The following WNK1 variants were observed in gnomAD, a reference collection of about 807,000 sequenced individuals.
WNK1 encodes serine/threonine-protein kinase WNK1.
A neutral mutation model predicts 222.8 loss-of-function variants in WNK1; 38 were observed. The observed-to-expected ratio is 0.17, with a 90% CI of 0.13 to 0.22. WNK1 has a LOEUF of 0.22. Among genes scored for constraint, WNK1 ranks in the 10% least tolerant of loss-of-function variants. WNK1 has a pLI of 1.00. For synonymous variants in WNK1, 1,090 were observed against 1,092.9 expected (o/e 1.00, Z 0.05); for missense variants, 2,348 against 2,918.4 (o/e 0.80, Z 4.50).
At chr12:769,683 G>A (rs1942235203) in intron 1 of WNK1, among the ~76,000 whole-genome samples, 1 of 152,186 alleles carries the variant, frequency 6.6e-6, no homozygotes, top group South Asian at 2.1e-4. Context: ...GGTGCCAGGT[G>A]TGCTCGGCTA....
intron 23 of WNK1, 48 bp downstream of exon 23, chr12:894,683 T>C: frequency 6.5e-7 from 1 of 1,545,168 alleles, no homozygotes; most frequent in South Asian, 1.1e-5. Flanking sequence ...TTGGAGGAGT[T>C]GTCTATATAA....
At chr12:887,172 C>T (rs1565587844) in intron 19 of WNK1, 49 bp from the exon 20 acceptor site, 30 of 1,535,258 alleles carry the variant, frequency 2.0e-5, no homozygotes, top group Non-Finnish European at 2.4e-5. Context: ...AGTACGCAGT[C>T]TTTATATTTA....
intron 1 of WNK1, among the ~76,000 whole-genome samples, chr12:797,112 A>G (rs932293537): frequency 6.6e-6 from 1 of 152,180 alleles, no homozygotes; most frequent in African/African-American, 2.4e-5. Context: ...TTCTTTTTGC[A>G]TTCCTATTAA....
intron 1 of WNK1, among the ~76,000 whole-genome samples, chr12:758,479 C>T (rs1285483909): frequency 7.5e-6 from 1 of 133,482 alleles, no homozygotes; most frequent in Non-Finnish European, 1.6e-5. Context: ...GCTCCACTTC[C>T]TGGGTTCACG....
chr12:790,702 G>A (rs1359774892), intron 1 of WNK1, among the ~76,000 whole-genome samples: 2 of 152,158 alleles, frequency 1.3e-5, no homozygotes, highest in African/African-American at 4.8e-5. Flanking sequence ...GTTTTAAAAA[G>A]ACAATCTTTT....
In WNK1 at chr12:865,152, C is replaced by G. The variant is rs72649813; in HGVS notation, c.2139+2882C>G. The G allele has an allele frequency of 2.0e-6, 3 of 1,532,950 alleles. 1 individual carries two copies. The highest frequency in any genetic ancestry group is 3.3e-4 in the Middle Eastern group (2 of 5,982). The allele number at this position is 1,532,950 out of a possible 1,614,324, so 95.0% of individuals were successfully genotyped here. A position where few individuals can be genotyped will look rare whatever the true frequency, so the allele number is the denominator to read the frequency against. ...CATGTCGGTTTGTGTTCCCATCTTT[C>G]TGCTGTTGCCTCTGTGTCCCGCATC... is the stretch of plus-strand genomic sequence containing the variant. On this transcript the variant is annotated intron_variant, in intron 8 of 27. Coordinates refer to ENST00000315939, the MANE Select transcript of WNK1 (RefSeq NM_018979.4).
At position 880,052 on chromosome 12, in the gene WNK1, A is replaced by G. The variant is rs751586392; in HGVS notation, c.2832+21A>G. On this transcript the variant is annotated intron_variant, in intron 11 of 27. Coordinates refer to ENST00000315939, the MANE Select transcript of WNK1 (RefSeq NM_018979.4). ...ACCAGGTATTGTGTTAGTTAGCAAA[A>G]GAGGGCACCACAGAGTTTGATCCTA... The G allele has an allele frequency of 3.7e-6, 6 of 1,609,216 alleles. No individual in the cohort carries two copies. In the Admixed American group the frequency reaches 1.0e-4, roughly 27 times the overall value.
At chr12:867,655 C>T (rs1451748975) in intron 8 of WNK1, 14 of 576,118 alleles carry the variant, frequency 2.4e-5, no homozygotes, top group South Asian at 2.0e-4. Flanking sequence ...TTATCTAAAG[C>T]AAAGAGCCCA....
At chr12:891,962 A>G (rs1414268337) in intron 22 of WNK1, among the ~76,000 whole-genome samples, 1 of 151,592 alleles carries the variant, frequency 6.6e-6, no homozygotes, top group African/African-American at 2.4e-5. Context: ...AAAAATGTAT[A>G]GGTCAATGGA....
At chr12:785,920 A>G (rs1944261580) in intron 1 of WNK1, among the ~76,000 whole-genome samples, 1 of 152,108 alleles carries the variant, frequency 6.6e-6, no homozygotes, top group Non-Finnish European at 1.5e-5. Flanking sequence ...ATCTGACTGT[A>G]CTGTTCTGGC....
chr12:857,738 T>C (rs1311135929), intron 5 of WNK1, among the ~76,000 whole-genome samples: 1 of 152,128 alleles, frequency 6.6e-6, no homozygotes, highest in Non-Finnish European at 1.5e-5. Flanking sequence ...GCCCAGGGGT[T>C]GGAAGGAGAT....
At chr12:834,473 G>A (rs1949032358) in intron 4 of WNK1, among the ~76,000 whole-genome samples, 2 of 152,130 alleles carry the variant, frequency 1.3e-5, no homozygotes, top group South Asian at 2.1e-4. Context: ...TGGTGGATAG[G>A]GTAGAGTAAT....
In WNK1 at chr12:813,668, G is replaced by A. The variant is rs199740840; in HGVS notation, c.786G>A (p.Arg262=). The A allele has an allele frequency of 1.2e-5, 19 of 1,613,728 alleles. No homozygotes were observed. Among genetic ancestry groups the A allele is most frequent in the Non-Finnish European group, 1.5e-5 (18 of 1,179,902 alleles). The change falls in exon 2 of 28, where the codon AGG becomes AGA. Residue 262 remains arginine (R), a synonymous_variant. Transcript: ENST00000315939. The part of the protein sequence containing the change: ...LQDRKLTKSE[R]QRFKEEAEML... ...ATCGAAAATTAACAAAGTCTGAGAGGCAGAGATTTAAAGAAGAAGCTGAAA... is the reference window on the plus strand; with the variant it reads ...ATCGAAAATTAACAAAGTCTGAGAGACAGAGATTTAAAGAAGAAGCTGAAA...
chr12:884,587 C>T lies in WNK1; in HGVS notation c.3845-62C>T. 6.5e-7 allele frequency: 1 copy of T among 1,527,356 alleles called. No individual in the cohort carries two copies. Among genetic ancestry groups the T allele is most frequent in the South Asian group, 1.1e-5 (1 of 89,064 alleles). The allele number at this position is 1,527,356 out of a possible 1,614,324, so 94.6% of individuals were successfully genotyped here. A position where few individuals can be genotyped will look rare whatever the true frequency, so the allele number is the denominator to read the frequency against. ...ATAGGAGCTGACTTAGGCTAGCAGA[C>T]AATCTTTTGAATCCATCCTTTTAAA... On this transcript the variant is annotated intron_variant, in intron 18 of 27. Coordinates refer to ENST00000315939, the MANE Select transcript of WNK1 (RefSeq NM_018979.4). The surrounding 1 kb of genome is among the most constrained non-coding windows in gnomAD (Gnocchi z 5.6).
rs571466163 is a variant in WNK1 at position 853,293 on chromosome 12, G to A, written c.1312-3868G>A. On this transcript the variant is annotated intron_variant, in intron 4 of 27. Transcript: ENST00000315939. ...GTTTTGCTATATCTTAATATCTTTT[G>A]CGCAGTGAGTATTCCTATTTGTAAA... Among the ~76,000 whole-genome samples, 4 of 152,264 alleles carry A rather than the reference G, an allele frequency of 2.6e-5. No homozygotes were observed. In the South Asian group the frequency reaches 8.3e-4, roughly 32 times the overall value.
intron 8 of WNK1, among the ~76,000 whole-genome samples, chr12:867,418 G>A (rs1296013436): frequency 6.6e-6 from 1 of 152,212 alleles, no homozygotes; most frequent in Non-Finnish European, 1.5e-5. Flanking sequence ...TATAGGGAAA[G>A]TTAGTTCAAT....
intron 9 of WNK1, among the ~76,000 whole-genome samples, chr12:872,460 G>A (rs989287526): frequency 6.6e-6 from 1 of 152,148 alleles, no homozygotes; most frequent in Non-Finnish European, 1.5e-5. Flanking sequence ...TTTTGTTTTG[G>A]GGGGCTTGTT....
At chr12:879,473 C>CTTTTT in intron 10 of WNK1, 100 bp from the exon 11 acceptor site, 5 of 558,702 alleles carry the variant, frequency 8.9e-6, no homozygotes, top group East Asian at 4.5e-5. Context: ...TTTTTTCCTT[C>CTTTTT]TTTTTGGCTA....
At chr12:805,172 T>C (rs1565455233) in intron 1 of WNK1, among the ~76,000 whole-genome samples, 1 of 152,056 alleles carries the variant, frequency 6.6e-6, no homozygotes, top group Non-Finnish European at 1.5e-5. Context: ...GTATGGTAAT[T>C]CTGTGTTCAA....
Sources: gnomAD v4.1 joint callset for allele counts (sites outside exome capture counted in the v4.1 genomes callset) on GRCh38, gnomAD v4.1.1 for gene constraint, Gnocchi (gnomAD v3.1) non-coding constraint, MANE v1.5 for transcripts, NCBI Gene and HGNC (gene_info 2026-07-23, HGNC 2026-07-21) for gene names.